The following CSMD1 variants were observed in gnomAD, a reference collection of about 807,000 sequenced individuals.
CSMD1 encodes the protein CUB and sushi domain-containing protein 1.
Under a neutral mutation model 417.5 loss-of-function variants are expected in CSMD1, and 213 were observed. That is an observed-to-expected ratio of 0.51 (90% CI 0.46 to 0.57). CSMD1 has a LOEUF of 0.57. Among genes scored for constraint, CSMD1 ranks in the 20% least tolerant of loss-of-function variants. The pLI is 0.00. For missense variants in CSMD1, 6,923 were observed against 4,529.7 expected, an observed-to-expected ratio of 1.53 and a Z score of -15.17; for synonymous variants, 2,862 against 1,736.8, an observed-to-expected ratio of 1.65 and a Z score of -16.11.
chr8:4,466,570 C>A (rs1324053089), intron 2 of CSMD1, among the ~76,000 whole-genome samples: 3 of 152,112 alleles, frequency 2.0e-5, no homozygotes, highest in East Asian at 1.9e-4. Flanking sequence ...CAAACAAATG[C>A]CAACAGTGTC....
chr8:4,485,293 T>G (rs1355957010), intron 2 of CSMD1, among the ~76,000 whole-genome samples: 1 of 152,148 alleles, frequency 6.6e-6, no homozygotes, highest in Non-Finnish European at 1.5e-5. Flanking sequence ...CTGAGAACAT[T>G]TATCCCCAGT....
At chr8:3,033,577 C>T (rs1239020537) in intron 50 of CSMD1, among the ~76,000 whole-genome samples, 3 of 151,886 alleles carry the variant, frequency 2.0e-5, no homozygotes, top group Non-Finnish European at 4.4e-5. Context: ...GGGAGGGGAA[C>T]ATCACACACC....
chr8:4,420,669 T>C (rs1395684383), intron 2 of CSMD1, among the ~76,000 whole-genome samples: 1 of 152,100 alleles, frequency 6.6e-6, no homozygotes, highest in Non-Finnish European at 1.5e-5. Flanking sequence ...TTCCAAGCTG[T>C]GCTCTTAGGA....
chr8:3,015,397 T>G (rs1302197570), intron 52 of CSMD1, among the ~76,000 whole-genome samples: 1 of 152,182 alleles, frequency 6.6e-6, no homozygotes, highest in Non-Finnish European at 1.5e-5. Flanking sequence ...GATGATTTGC[T>G]TTTTAAAGTC....
intron 7 of CSMD1, 117 bp downstream of exon 7, chr8:3,708,297 A>C: frequency 1.3e-6 from 1 of 768,754 alleles, no homozygotes; most frequent in Non-Finnish European, 2.2e-6. Context: ...TGGATATAGA[A>C]AAGAAGGAAG....
intron 2 of CSMD1, among the ~76,000 whole-genome samples, chr8:4,485,007 A>C (rs955198719): frequency 7.4e-6 from 1 of 135,234 alleles, no homozygotes; most frequent in Non-Finnish European, 1.6e-5. Context: ...AAAAAAAAAA[A>C]AAAAAAAAAA....
At chr8:3,111,989 T>G (rs2129016488) in intron 42 of CSMD1, among the ~76,000 whole-genome samples, 1 of 152,124 alleles carries the variant, frequency 6.6e-6, no homozygotes. Flanking sequence ...TGTCTCTTCC[T>G]TTAAAACTCA....
intron 51 of CSMD1, among the ~76,000 whole-genome samples, chr8:3,024,669 G>A (rs1809718822): frequency 6.6e-6 from 1 of 152,122 alleles, no homozygotes; most frequent in African/African-American, 2.4e-5. Context: ...AGTTTTAAAG[G>A]TGGTGTAATT....
intron 1 of CSMD1, among the ~76,000 whole-genome samples, chr8:4,750,854 G>T (rs957671527): frequency 1.3e-5 from 2 of 152,062 alleles, no homozygotes; most frequent in African/African-American, 4.8e-5. Context: ...TGAGATATTG[G>T]GATTTAGTGA....
intron 3 of CSMD1, among the ~76,000 whole-genome samples, chr8:4,165,824 G>A (rs1219242476): frequency 6.6e-6 from 1 of 152,162 alleles, no homozygotes; most frequent in Non-Finnish European, 1.5e-5. Flanking sequence ...TTACTAGGTT[G>A]TTGCAAAACT....
chr8:3,642,595 A>G (rs1184139230), intron 7 of CSMD1, among the ~76,000 whole-genome samples: 2 of 152,192 alleles, frequency 1.3e-5, no homozygotes, highest in Non-Finnish European at 2.9e-5. Context: ...CAATTCACAA[A>G]CCAAACGAGA....
intron 3 of CSMD1, among the ~76,000 whole-genome samples, chr8:4,412,238 G>T (rs995909982): frequency 6.6e-6 from 1 of 152,104 alleles, no homozygotes; most frequent in Non-Finnish European, 1.5e-5. Flanking sequence ...GGCCTGGTAG[G>T]AGGTGACTAG....
chr8:4,804,759 C>T (rs996881104), intron 1 of CSMD1, among the ~76,000 whole-genome samples: 1 of 152,150 alleles, frequency 6.6e-6, no homozygotes, highest in African/African-American at 2.4e-5. Context: ...AGAAAAGTAT[C>T]TTAGTATTTG....
intron 10 of CSMD1, among the ~76,000 whole-genome samples, chr8:3,564,973 C>T (rs12335188): frequency 6.8e-6 from 1 of 147,972 alleles, no homozygotes; most frequent in Admixed American, 6.7e-5. Flanking sequence ...TGATGAATAG[C>T]TAAGGAATGC....
At chr8:3,910,273 C>G (rs545876806) in intron 5 of CSMD1, among the ~76,000 whole-genome samples, 1 of 152,088 alleles carries the variant, frequency 6.6e-6, no homozygotes, top group African/African-American at 2.4e-5. Context: ...CCCAGCTGCT[C>G]AGCTCTCTCA....
intron 10 of CSMD1, among the ~76,000 whole-genome samples, chr8:3,561,431 A>C (rs947857921): frequency 4.6e-5 from 7 of 151,756 alleles, no homozygotes; most frequent in African/African-American, 1.7e-4. Context: ...GTATCTTTAC[A>C]CCATGGATAC....
At position 4,354,592 on chromosome 8, in the gene CSMD1, T is replaced by C. The variant is rs571040303; in HGVS notation, c.415+65361A>G. On this transcript the variant is annotated intron_variant, in intron 3 of 69. Coordinates refer to ENST00000635120, the MANE Select transcript of CSMD1 (RefSeq NM_033225.6). Reference sequence around the variant, plus strand: ...TGGCAGACTTCACCGTGACTCAACCTTACCACCTTCTCCTTGAACGTATAA... The same window carrying C: ...TGGCAGACTTCACCGTGACTCAACCCTACCACCTTCTCCTTGAACGTATAA... Among the ~76,000 whole-genome samples, 8 of 152,228 alleles carry C rather than the reference T, an allele frequency of 5.3e-5. No individual in the cohort carries two copies. In the South Asian group the frequency reaches 1.7e-3, roughly 32 times the overall value.
intron 3 of CSMD1, among the ~76,000 whole-genome samples, chr8:4,353,252 G>T (rs11781343): frequency 1.3e-5 from 2 of 151,998 alleles, no homozygotes; most frequent in African/African-American, 4.8e-5. Flanking sequence ...TGTTCTTCTG[G>T]TAGTAAGTCT....
chr8:4,458,986 G>C (rs1372288226), intron 2 of CSMD1, among the ~76,000 whole-genome samples: 1 of 152,152 alleles, frequency 6.6e-6, no homozygotes, highest in African/African-American at 2.4e-5. Context: ...ATCTCAGTGA[G>C]GATTCACGTT....
Sources: allele counts gnomAD v4.1 joint callset (sites outside exome capture counted in the v4.1 genomes callset), GRCh38; gene constraint gnomAD v4.1.1; transcripts MANE v1.5; gene names NCBI Gene and HGNC (gene_info 2026-07-23, HGNC 2026-07-21).